Variants in LGSN observed in about 807,000 individuals in gnomAD.
The protein encoded by LGSN is lengsin, lens protein with glutamine synthetase domain, also known as lengsin.
In LGSN, 21 loss-of-function variants were observed where a neutral mutation model predicts 19.5. The observed-to-expected ratio is 1.07, with a 90% CI of 0.76 to 1.55. The LOEUF is 1.55. Ranked by LOEUF, LGSN falls within the 40% of genes most tolerant of loss-of-function variation. The pLI is 0.00. For synonymous variants in LGSN, 257 were observed against 215.6 expected, an observed-to-expected ratio of 1.19 and a Z score of -1.68; for missense variants, 673 against 608.5, an observed-to-expected ratio of 1.11 and a Z score of -1.12.
the LGSN span, among the ~76,000 whole-genome samples, chr6:63,529,549 A>G: frequency 6.6e-6 from 1 of 151,932 alleles, no homozygotes; most frequent in Non-Finnish European, 1.5e-5. Context: ...CTCGCTTTTA[A>G]TTCTCACCCC....
At chr6:63,424,718 C>A in the LGSN span, among the ~76,000 whole-genome samples, 1 of 152,046 alleles carries the variant, frequency 6.6e-6, no homozygotes, top group Non-Finnish European at 1.5e-5. Context: ...TTGAAGACCA[C>A]CCTAGGCAAT....
chr6:63,547,814 G>A, the LGSN span, among the ~76,000 whole-genome samples: 2 of 152,024 alleles, frequency 1.3e-5, no homozygotes, highest in Non-Finnish European at 2.9e-5. Flanking sequence ...CCCGGCCCAG[G>A]GGGGGATTTG....
chr6:63,405,197 G>C, the LGSN span, among the ~76,000 whole-genome samples: 1 of 151,778 alleles, frequency 6.6e-6, no homozygotes, highest in Non-Finnish European at 1.5e-5. Flanking sequence ...TCTTAATCCA[G>C]TCTATCATTG....
chr6:63,375,004 A>C, the LGSN span, among the ~76,000 whole-genome samples: 13 of 152,326 alleles, frequency 8.5e-5, no homozygotes, highest in East Asian at 2.3e-3. Flanking sequence ...ACAGTTTGAC[A>C]TTTTGACACA....
the LGSN span, among the ~76,000 whole-genome samples, chr6:63,366,370 T>A: frequency 6.6e-6 from 1 of 152,110 alleles, no homozygotes; most frequent in Non-Finnish European, 1.5e-5. Flanking sequence ...TACCTAGGAA[T>A]TCAACTTACA....
chr6:63,390,373 A>T, the LGSN span, among the ~76,000 whole-genome samples: 2 of 150,688 alleles, frequency 1.3e-5, no homozygotes, highest in African/African-American at 4.9e-5. Context: ...CAGGTGATCC[A>T]CCTGCCTTGG....
the LGSN span, chr6:63,571,524 G>A: frequency 6.6e-6 from 1 of 152,162 alleles, no homozygotes; most frequent in Non-Finnish European, 1.5e-5. Flanking sequence ...CAGTAAAAGA[G>A]GACTGAAAAC....
the LGSN span, among the ~76,000 whole-genome samples, chr6:63,364,003 G>C: frequency 2.6e-5 from 4 of 152,270 alleles, no homozygotes; most frequent in Admixed American, 1.3e-4. Flanking sequence ...ATCGATGCTA[G>C]GAAGAAACTG....
At chr6:63,362,869 T>C in the LGSN span, among the ~76,000 whole-genome samples, 1 of 152,102 alleles carries the variant, frequency 6.6e-6, no homozygotes, top group Non-Finnish European at 1.5e-5. Context: ...AGCACAGAGT[T>C]TGAGATCTGA....
the LGSN span, among the ~76,000 whole-genome samples, chr6:63,420,270 C>T: frequency 1.3e-5 from 2 of 152,124 alleles, no homozygotes; most frequent in Admixed American, 1.3e-4. Context: ...TCCCCCCGGC[C>T]CCCTGGGCCC....
the LGSN span, among the ~76,000 whole-genome samples, chr6:63,522,378 GA>G: frequency 6.6e-6 from 1 of 152,162 alleles, no homozygotes; most frequent in Non-Finnish European, 1.5e-5. Flanking sequence ...TAGTTAAACA[GA>G]AGATAAACAA....
rs564674342 is a variant in LGSN, at chr6:63,281,198, C to G, written c.353G>C (p.Cys118Ser). The change falls in exon 4 of 4, where the codon TGC becomes TCC. Residue 118 changes from cysteine (C) to serine (S), a missense_variant. By Grantham distance (112) the Cys-to-Ser change is moderately radical. Transcript: ENST00000370657. ...CACTTCAAGATAACCTCGGGGCATG[C>G]AAACACCATGGCTCACTTTCTCCTA... is the stretch of plus-strand genomic sequence containing the variant. ...FFQEKVSHGV[C>S]MPRGYLEVIP... The G allele has an allele frequency of 1.0e-5, 16 of 1,583,570 alleles. No individual in the cohort carries two copies. Among genetic ancestry groups the G allele is most frequent in the Non-Finnish European group, 1.3e-5 (15 of 1,164,578 alleles).
chr6:63,483,309 C>T, the LGSN span, among the ~76,000 whole-genome samples: 2 of 151,798 alleles, frequency 1.3e-5, no homozygotes, highest in Non-Finnish European at 2.9e-5. Context: ...TGTTCCATGG[C>T]TGTCATAGCT....
the LGSN span, among the ~76,000 whole-genome samples, chr6:63,528,983 GGAGGCT>G: frequency 2.6e-5 from 4 of 151,084 alleles, no homozygotes; most frequent in Non-Finnish European, 5.9e-5. Flanking sequence ...CAGCTACTTG[GGAGGCT>G]GAGGCAAGAG....
At chr6:63,528,368 G>A in the LGSN span, among the ~76,000 whole-genome samples, 3 of 152,018 alleles carry the variant, frequency 2.0e-5, no homozygotes, top group Non-Finnish European at 2.9e-5. Flanking sequence ...GGCTGAGGTG[G>A]GAGAATCGCT....
At chr6:63,451,051 G>C in the LGSN span, among the ~76,000 whole-genome samples, 1 of 152,034 alleles carries the variant, frequency 6.6e-6, no homozygotes, top group African/African-American at 2.4e-5. Context: ...TATTTTAAAT[G>C]TTTTCATTGA....
At chr6:63,331,633 C>T in the LGSN span, among the ~76,000 whole-genome samples, 1 of 152,004 alleles carries the variant, frequency 6.6e-6, no homozygotes, top group African/African-American at 2.4e-5. Context: ...AACGCAGCAG[C>T]AGAAACAACC....
the LGSN span, among the ~76,000 whole-genome samples, chr6:63,532,450 T>C: frequency 3.3e-5 from 5 of 152,138 alleles, no homozygotes; most frequent in Admixed American, 6.5e-5. Flanking sequence ...ACATCCTATG[T>C]ATGGGTCAGC....
chr6:63,548,522 C>A, the LGSN span, among the ~76,000 whole-genome samples: 1 of 152,150 alleles, frequency 6.6e-6, no homozygotes, highest in African/African-American at 2.4e-5. Context: ...CTATGTAGAG[C>A]CTGTGACCAT....
Sources: allele counts gnomAD v4.1 joint callset (sites outside exome capture counted in the v4.1 genomes callset), GRCh38; gene constraint gnomAD v4.1.1; transcripts MANE v1.5; gene names NCBI Gene and HGNC (gene_info 2026-07-23, HGNC 2026-07-21).